The following EPB41 variants were observed in gnomAD, a reference collection of about 807,000 sequenced individuals.
EPB41 encodes the protein erythrocyte membrane protein band 4.1.
EPB41 carries 65 observed loss-of-function variants against 108.0 expected under a neutral mutation model. That is an observed-to-expected ratio of 0.60 (90% CI 0.49 to 0.74). The LOEUF (loss-of-function observed/expected upper bound fraction) is 0.74. Among genes scored for constraint, EPB41 ranks in the 30% least tolerant of loss-of-function variants. The probability of loss-of-function intolerance (pLI) is 0.00; values close to 1 mark genes in which losing one functional copy is unlikely to be tolerated. For missense variants in EPB41, 875 were observed against 1,037.0 expected (o/e 0.84, Z 2.15); for synonymous variants, 336 against 358.9 (o/e 0.94, Z 0.72).
At chr1:28,913,053 T>C (rs2092338566), upstream of EPB41, among the ~76,000 whole-genome samples, 1 of 152,190 alleles carries the variant, frequency 6.6e-6, no homozygotes, top group South Asian at 2.1e-4. Context: ...TAGCTCACTG[T>C]GGCCTTGAAC....
chr1:29,072,931 T>G (rs1282598776), intron 16 of EPB41: 1 of 151,958 alleles, frequency 6.6e-6, no homozygotes, highest in African/African-American at 2.4e-5. Context: ...TGCAACATGG[T>G]GAAACCCCAC....
upstream of EPB41, chr1:28,910,868 G>T: frequency 3.2e-6 from 2 of 617,508 alleles, no homozygotes; most frequent in Non-Finnish European, 4.0e-6. Context: ...AGGTAATGGT[G>T]GGCTCAGCTG....
chr1:29,033,581 T>C (rs1237160281), intron 9 of EPB41, among the ~76,000 whole-genome samples: 1 of 152,234 alleles, frequency 6.6e-6, no homozygotes, highest in Admixed American at 6.5e-5. Flanking sequence ...TTTATAGGGA[T>C]AAATTACTCA....
At chr1:29,113,388 C>G (rs542049753) in intron 19 of EPB41, among the ~76,000 whole-genome samples, 2 of 152,320 alleles carry the variant, frequency 1.3e-5, no homozygotes, top group East Asian at 3.9e-4. Context: ...TGGCAGTTCC[C>G]TTGGAGGCAG....
chr1:28,929,721 G>T (rs1359101730), intron 1 of EPB41, among the ~76,000 whole-genome samples: 2 of 150,044 alleles, frequency 1.3e-5, no homozygotes, highest in East Asian at 2.0e-4. Context: ...AGTAGAGACG[G>T]GGTTTATCCA....
At chr1:28,934,666 T>TTGTG (rs1204147204) in intron 1 of EPB41, among the ~76,000 whole-genome samples, 45,427 of 135,794 alleles carry the variant, frequency 0.33, 8,536 homozygotes, top group Non-Finnish European at 0.43. Flanking sequence ...TCTTTTGACA[T>TTGTG]TGTGTGTGTG....
rs763869450 is a variant in EPB41, at chr1:29,068,682, T to A, written c.2184+3524T>A. 15 of 1,120,664 alleles carry A rather than the reference T, an allele frequency of 1.3e-5. No homozygotes were observed. In the South Asian group the frequency reaches 6.4e-4, roughly 48 times the overall value. The allele number at this position is 1,120,664 out of a possible 1,614,324, so 69.4% of individuals were successfully genotyped here. ...ATACCTCTTCCACCTTTGACGGTAT[T>A]GTTGTTGCATTGCAAGGCAACTGAA... On this transcript the variant is annotated intron_variant, in intron 16 of 20. Coordinates refer to ENST00000343067, the MANE Select transcript of EPB41 (RefSeq NM_001376013.1).
chr1:28,901,714 A>T (rs1187081128), intron 1 of EPB41, among the ~76,000 whole-genome samples: 2 of 151,912 alleles, frequency 1.3e-5, no homozygotes, highest in East Asian at 3.9e-4. Context: ...TTGTATTTTT[A>T]GTAGAGACAG....
At chr1:29,059,125 A>G (rs1174325151) in intron 14 of EPB41, among the ~76,000 whole-genome samples, 4 of 152,076 alleles carry the variant, frequency 2.6e-5, no homozygotes, top group Admixed American at 6.5e-5. Flanking sequence ...AAATACAAAA[A>G]TTAGCCAGGC....
rs1348339253 is a variant in EPB41, at chr1:29,118,884, A to G, written c.*2072A>G. 2.0e-5 allele frequency: 3 copies of G among 152,280 alleles called. No homozygotes were observed. Among genetic ancestry groups the G allele is most frequent in the Non-Finnish European group, 2.9e-5 (2 of 68,080 alleles). 9.4% of individuals were successfully genotyped at this position (152,280 alleles called of 1,614,324 possible). On this transcript the variant is annotated 3_prime_UTR_variant, in exon 21 of 21. Coordinates refer to ENST00000343067, the MANE Select transcript of EPB41 (RefSeq NM_001376013.1). ...CTTACATCAAACGAACATGTAGTGC[A>G]TGCCCACTGCCTGATGGCCAGATGG...
At chr1:29,092,388 G>A (rs999680541) in intron 16 of EPB41, among the ~76,000 whole-genome samples, 1 of 151,644 alleles carries the variant, frequency 6.6e-6, no homozygotes, top group African/African-American at 2.4e-5. Context: ...CACCGTGCCT[G>A]GCCAGGAACA....
intron 1 of EPB41, among the ~76,000 whole-genome samples, chr1:28,898,153 G>A (rs1317739771): frequency 2.6e-5 from 4 of 152,168 alleles, no homozygotes; most frequent in African/African-American, 9.7e-5. Context: ...GACAGGAGAT[G>A]AGGCTGGTCA....
At chr1:28,958,819 CAAAAAAA>C (rs35105287) in intron 1 of EPB41, among the ~76,000 whole-genome samples, 19 of 65,766 alleles carry the variant, frequency 2.9e-4, no homozygotes, top group Admixed American at 8.7e-4. Context: ...ACCCTGTCTC[CAAAAAAA>C]AAAAAAAAAA....
chr1:28,997,094 G>A, intron 3 of EPB41, 121 bp from the exon 4 acceptor site: 1 of 759,796 alleles, frequency 1.3e-6, no homozygotes, highest in South Asian at 1.4e-5. Flanking sequence ...TGAGGCTGCA[G>A]TGAGCTATGA....
intron 17 of EPB41, among the ~76,000 whole-genome samples, chr1:29,105,875 G>GT (rs1439557383): frequency 1.3e-5 from 2 of 151,088 alleles, no homozygotes; most frequent in African/African-American, 4.9e-5. Flanking sequence ...AGCCTCCAGA[G>GT]TAACTGGACT....
rs142666281 is a variant in EPB41 at position 29,075,581 on chromosome 1, G to A, written c.2184+10423G>A. ...AACTCTGACATTTGAAAGATTGAAA[G>A]GTAGGGGAAGGCATAGAGTCTCAAC... On this transcript the variant is annotated intron_variant, in intron 16 of 20. Coordinates refer to ENST00000343067, the MANE Select transcript of EPB41 (RefSeq NM_001376013.1). Among the ~76,000 whole-genome samples, 279 of 152,326 alleles carry A rather than the reference G, an allele frequency of 1.8e-3. 2 individuals carry two copies. The Middle Eastern group carries it at 0.02, about 11-fold the overall frequency.
chr1:28,923,093 T>TTTCC (rs1194336912), intron 1 of EPB41, among the ~76,000 whole-genome samples: 20 of 143,774 alleles, frequency 1.4e-4, no homozygotes, highest in African/African-American at 5.1e-4. Flanking sequence ...TTCTTCCTTC[T>TTTCC]TTCCTTTCTT....
At chr1:28,933,094 A>G (rs2093830498) in intron 1 of EPB41, among the ~76,000 whole-genome samples, 1 of 152,130 alleles carries the variant, frequency 6.6e-6, no homozygotes, top group Admixed American at 6.5e-5. Flanking sequence ...TTTTGTCTTT[A>G]TGTATTTTTT....
At chr1:29,107,986 G>A (rs577380071) in intron 17 of EPB41, among the ~76,000 whole-genome samples, 5 of 127,958 alleles carry the variant, frequency 3.9e-5, no homozygotes, top group South Asian at 2.4e-4. Flanking sequence ...CTGAGATCAC[G>A]CCACTACTCT....
Sources: allele counts gnomAD v4.1 joint callset (sites outside exome capture counted in the v4.1 genomes callset), GRCh38; gene constraint gnomAD v4.1.1; transcripts MANE v1.5; gene names NCBI Gene and HGNC (gene_info 2026-07-23, HGNC 2026-07-21).